TYSND1: variants seen among roughly 807,000 people sequenced by gnomAD.
TYSND1 encodes the protein trypsin like peroxisomal matrix peptidase 1, also known as peroxisomal leader peptide-processing protease.
In TYSND1, 30 loss-of-function variants were observed where a neutral mutation model predicts 37.2. That is an observed-to-expected ratio of 0.81 (90% CI 0.60 to 1.09). TYSND1 has a LOEUF of 1.09. Among genes scored for constraint, TYSND1 ranks in the 50% least tolerant of loss-of-function variants. The probability of loss-of-function intolerance (pLI) is 0.00; values close to 1 mark genes in which losing one functional copy is unlikely to be tolerated. For missense variants in TYSND1, 806 were observed against 817.4 expected, an observed-to-expected ratio of 0.99 and a Z score of 0.17; for synonymous variants, 364 against 383.8, an observed-to-expected ratio of 0.95 and a Z score of 0.60.
At chr10:70,140,932 G>C (rs756188153) in intron 3 of TYSND1, among the ~76,000 whole-genome samples, 1 of 151,456 alleles carries the variant, frequency 6.6e-6, no homozygotes, top group Non-Finnish European at 1.5e-5. Context: ...TCGTGGCCTT[G>C]ACATTTTTAA....
chr10:70,143,841 C>A lies in TYSND1; in HGVS notation c.1297+1G>T. 1 of 1,614,104 alleles carries A rather than the reference C, an allele frequency of 6.2e-7. No homozygotes were observed. Among genetic ancestry groups the A allele is most frequent in the Non-Finnish European group, 8.5e-7 (1 of 1,179,962 alleles). ...TTCAGGCTGCGCCCTTCGTCCTTTA[C>A]CTTCATGGAAGTGCTCAGCGGGCAC... On this transcript the variant is annotated splice_donor_variant, in intron 2 of 3. Coordinates refer to ENST00000287078, the MANE Select transcript of TYSND1 (RefSeq NM_173555.4). LOFTEE classifies it high-confidence loss of function.
In TYSND1 at chr10:70,145,425, G is replaced by T; in HGVS notation, c.1162C>A (p.Pro388Thr). The change falls in exon 1 of 4, where the codon CCC becomes ACC. Residue 388 changes from proline (P) to threonine (T), a missense_variant. By Grantham distance (38) the Pro-to-Thr change is conservative. Transcript: ENST00000287078. ...GCGTCAGCCCTGCGGGCTTACTTGGGGGTGGTGGAGCGCACCAGGACCCTG... is the reference window on the plus strand; with the variant it reads ...GCGTCAGCCCTGCGGGCTTACTTGGTGGTGGTGGAGCGCACCAGGACCCTG... ...AARVLVRSTT[P>T]KSVAIWGRVV... The T allele has an allele frequency of 7.0e-7, 1 of 1,432,034 alleles. No homozygotes were observed. The allele number at this position is 1,432,034 out of a possible 1,614,324, so 88.7% of individuals were successfully genotyped here.
At chr10:70,143,331 C>T (rs1174548560) in intron 2 of TYSND1, among the ~76,000 whole-genome samples, 1 of 152,198 alleles carries the variant, frequency 6.6e-6, no homozygotes, top group East Asian at 1.9e-4. Context: ...CCTCACAACA[C>T]CCAGAAATAG....
intron 2 of TYSND1, 98 bp downstream of exon 2, chr10:70,143,744 A>T: frequency 6.7e-7 from 1 of 1,486,570 alleles, no homozygotes; most frequent in Non-Finnish European, 9.1e-7. Flanking sequence ...GACCAATGCT[A>T]CCCTGACTTC....
chr10:70,140,090 TG>T lies in TYSND1; in HGVS notation c.1534del (p.His512ThrfsTer2). On this transcript the variant is annotated frameshift_variant, in exon 4 of 4. Coordinates refer to ENST00000287078, the MANE Select transcript of TYSND1 (RefSeq NM_173555.4). LOFTEE classifies it high-confidence loss of function. ...CGTGATGGGAATGCTGAAGTTCAGG[TG>T]GGGGTAGGTGGCCCCCGTATTATTG... Reference protein sequence around the residue: ...RDNNTGATYPHLNFSIPITVL... With the variant: ...RDNNTGATYPXLNFSIPITVL... The T allele has an allele frequency of 5.6e-6, 9 of 1,613,888 alleles. No individual in the cohort carries two copies. The highest frequency in any genetic ancestry group is 7.6e-6 in the Non-Finnish European group (9 of 1,179,806).
At chr10:70,142,368 C>T (rs1335133493) in intron 3 of TYSND1, among the ~76,000 whole-genome samples, 3 of 152,154 alleles carry the variant, frequency 2.0e-5, no homozygotes, top group Non-Finnish European at 4.4e-5. Context: ...TTTATCTTTC[C>T]AGCCTCTGTT....
intron 1 of TYSND1, among the ~76,000 whole-genome samples, 178 bp downstream of exon 1, chr10:70,145,243 C>G (rs1839157251): frequency 6.6e-6 from 1 of 152,212 alleles, no homozygotes; most frequent in South Asian, 2.1e-4. Flanking sequence ...GCCCCAGATT[C>G]TCCCCACAGG....
chr10:70,144,066 G>A, intron 1 of TYSND1, 94 bp from the exon 2 acceptor site: 1 of 1,530,332 alleles, frequency 6.5e-7, no homozygotes, highest in East Asian at 2.3e-5. Flanking sequence ...AAAGTCAGAA[G>A]ATCTGGGTAT....
chr10:70,142,801 G>A lies in TYSND1; in HGVS notation c.1350C>T (p.Pro450=), dbSNP rs757012370. 2.5e-6 allele frequency: 4 copies of A among 1,614,006 alleles called. No individual in the cohort carries two copies. The highest frequency in any genetic ancestry group is 1.3e-5 in the African/African-American group (1 of 74,938). ...CCGAAAGGATGCCTGAGGTCACCGA[G>A]GGCCCGCAAGACTGGCCAAAGACGC... ...GFGVFGQSCG[P]SVTSGILSAV... The change falls in exon 3 of 4, where the codon CCC becomes CCT. Residue 450 remains proline, a synonymous_variant. Coordinates refer to ENST00000287078, the MANE Select transcript of TYSND1 (RefSeq NM_173555.4).
In TYSND1 at chr10:70,145,444, G is replaced by C; in HGVS notation, c.1143C>G (p.Val381=). 1 of 1,462,808 alleles carries C rather than the reference G, an allele frequency of 6.8e-7. No homozygotes were observed. Among genetic ancestry groups the C allele is most frequent in the Non-Finnish European group, 9.0e-7 (1 of 1,108,328 alleles). The allele number at this position is 1,462,808 out of a possible 1,614,324, so 90.6% of individuals were successfully genotyped here. A position where few individuals can be genotyped will look rare whatever the true frequency, so the allele number is the denominator to read the frequency against. The stretch of plus-strand genomic sequence containing the variant: ...ACTTGGGGGTGGTGGAGCGCACCAG[G>C]ACCCTGGCTGCTTCCCGAGGGGACA... ...RHVSPREAAR[V]LVRSTTPKSV... is the part of the protein sequence containing the mutation. The change falls in exon 1 of 4, where the codon GTC becomes GTG. Residue 381 remains valine (V), a synonymous_variant. Coordinates refer to ENST00000287078, the MANE Select transcript of TYSND1 (RefSeq NM_173555.4).
In TYSND1 at chr10:70,139,968, G is replaced by A. The variant is rs759495882; in HGVS notation, c.1657C>T (p.Arg553Trp). 1.4e-5 allele frequency: 23 copies of A among 1,613,826 alleles called. No individual in the cohort carries two copies. The highest frequency in any genetic ancestry group is 1.7e-5 in the Admixed American group (1 of 60,002). Residue 553 changes from arginine to tryptophan, a missense_variant, in exon 4 of 4, where the codon CGG becomes TGG. Physicochemically the swap from Arg to Trp is moderately radical, Grantham distance 101. Coordinates refer to ENST00000287078, the MANE Select transcript of TYSND1 (RefSeq NM_173555.4). ...RAAEPVRVVW[R>W]LQRPLAEAPR... Reference sequence around the variant, plus strand: ...GCCTCTGCCAGGGGCCGCTGCAACCGCCACACCACCCTGACTGGCTCAGCA... The same window carrying A: ...GCCTCTGCCAGGGGCCGCTGCAACCACCACACCACCCTGACTGGCTCAGCA...
chr10:70,145,350 A>C, intron 1 of TYSND1, 71 bp downstream of exon 1: 1 of 1,280,318 alleles, frequency 7.8e-7, no homozygotes, highest in Admixed American at 4.1e-5. Flanking sequence ...CACAATACTC[A>C]AGAGTATTAG....
intron 1 of TYSND1, 157 bp from the exon 2 acceptor site, chr10:70,144,129 T>G: frequency 1.2e-6 from 1 of 866,024 alleles, no homozygotes; most frequent in Non-Finnish European, 1.7e-6. Flanking sequence ...AACCATTCTG[T>G]GGTATCTCCA....
rs2072734571 is a variant in TYSND1, at chr10:70,139,927, G to A, written c.1698C>T (p.Leu566=). ...TTCCAAAGGTGGTAACACAGCCTCAGAGCTTGCTCCGCGGGGCCTCTGCCA... is the reference window on the plus strand; with the variant it reads ...TTCCAAAGGTGGTAACACAGCCTCAAAGCTTGCTCCGCGGGGCCTCTGCCA... The part of the protein sequence containing the change: ...RPLAEAPRSK[L] Residue 566 remains leucine (L), a synonymous_variant, in exon 4 of 4, where the codon CTC becomes CTT. Coordinates refer to ENST00000287078, the MANE Select transcript of TYSND1 (RefSeq NM_173555.4). 2 of 1,612,164 alleles carry A rather than the reference G, an allele frequency of 1.2e-6. No homozygotes were observed. Among genetic ancestry groups the A allele is most frequent in the Non-Finnish European group, 8.5e-7 (1 of 1,179,322 alleles).
chr10:70,145,410 T>C lies in TYSND1; in HGVS notation c.1166+11A>G. The stretch of plus-strand genomic sequence containing the variant: ...GAAAGGGATGAAGTGGCGTCAGCCC[T>C]GCGGGCTTACTTGGGGGTGGTGGAG... On this transcript the variant is annotated intron_variant, in intron 1 of 3. Coordinates refer to ENST00000287078, the MANE Select transcript of TYSND1 (RefSeq NM_173555.4). The C allele has an allele frequency of 7.1e-7, 1 of 1,411,038 alleles. No individual in the cohort carries two copies. The highest frequency in any genetic ancestry group is 9.3e-7 in the Non-Finnish European group (1 of 1,080,472). The allele number at this position is 1,411,038 out of a possible 1,614,324, so 87.4% of individuals were successfully genotyped here.
intron 3 of TYSND1, among the ~76,000 whole-genome samples, chr10:70,141,658 T>C (rs1306667422): frequency 1.3e-5 from 2 of 152,214 alleles, no homozygotes; most frequent in African/African-American, 4.8e-5. Flanking sequence ...ACGTTCACCT[T>C]GATCACTTGG....
intron 1 of TYSND1, 185 bp from the exon 2 acceptor site, chr10:70,144,157 G>T (rs754412901): frequency 2.1e-4 from 150 of 702,706 alleles, no homozygotes; most frequent in Non-Finnish European, 3.1e-4. Flanking sequence ...TTGACAAACT[G>T]TGCTACTTCT....
rs771432835 is a variant in TYSND1, at chr10:70,145,961, G to A, written c.626C>T (p.Pro209Leu). 24 of 1,559,914 alleles carry A rather than the reference G, an allele frequency of 1.5e-5. No individual in the cohort carries two copies. The highest frequency in any genetic ancestry group is 1.7e-4 in the Middle Eastern group (1 of 6,020). The change falls in exon 1 of 4, where the codon CCT becomes CTT. Residue 209 changes from proline to leucine, a missense_variant. Around this residue, in one of 3 missense-constraint regions of TYSND1, gnomAD observed 708 missense variants for 705.4 expected, o/e 1.00. Transcript: ENST00000287078. ...EERGPAMAVS[P>L]LGAVPKGAPL... ...CGCACCCTTGGGCACGGCCCCGAGA[G>A]GCGACACCGCCATGGCTGGCCCGCG...
chr10:70,144,246 G>A (rs1208892024), intron 1 of TYSND1: 2 of 418,042 alleles, frequency 4.8e-6, no homozygotes, highest in East Asian at 1.1e-4. Flanking sequence ...GTGTTTTGTG[G>A]ACATCACTTT....
Sources: gnomAD v4.1 joint callset for allele counts (sites outside exome capture counted in the v4.1 genomes callset) on GRCh38, gnomAD v4.1.1 for gene constraint, gnomAD v4.1.1 regional missense constraint, MANE v1.5 for transcripts, NCBI Gene and HGNC (gene_info 2026-07-23, HGNC 2026-07-21) for gene names.